Variants in CFH observed in about 807,000 individuals in gnomAD.
CFH encodes H factor 1 (complement).
Under a neutral mutation model 147.3 loss-of-function variants are expected in CFH, and 53 were observed. The observed-to-expected ratio is 0.36, with a 90% confidence interval of 0.29 to 0.45. CFH has a LOEUF of 0.45. Ranked by LOEUF, CFH falls within the 20% of genes least tolerant of loss-of-function variation. The probability of loss-of-function intolerance (pLI) is 1.00; values close to 1 mark genes in which losing one functional copy is unlikely to be tolerated. For missense variants in CFH, 1,380 were observed against 1,498.0 expected, an observed-to-expected ratio of 0.92 and a Z score of 1.30; for synonymous variants, 536 against 489.4, an observed-to-expected ratio of 1.10 and a Z score of -1.26.
chr1:196,737,674 G>T lies in CFH; in HGVS notation c.2782+14G>T. ...CTCAGTGTGAAGGTTAGGCCAATAT[G>T]AATACTCAATTTCTGTTTATAGTAG... On this transcript the variant is annotated intron_variant, in intron 17 of 21. Transcript: ENST00000367429. 6.2e-7 allele frequency: 1 copy of T among 1,607,512 alleles called. No homozygotes were observed. Among genetic ancestry groups the T allele is most frequent in the South Asian group, 1.1e-5 (1 of 90,824 alleles).
In CFH at chr1:196,674,462, T is replaced by C. The variant is rs568284748; in HGVS notation, c.350+500T>C. ...TTACCACATGGATTAAAAATACTAC[T>C]CTTTCAGAATCATTGACTCTGTTCC... On this transcript the variant is annotated intron_variant, in intron 3 of 21. Coordinates refer to ENST00000367429, the MANE Select transcript of CFH (RefSeq NM_000186.4). 3.4e-3 allele frequency among the ~76,000 whole-genome samples: 514 copies of C among 152,300 alleles called. 2 individuals carry two copies. Among genetic ancestry groups the C allele is most frequent in the Admixed American group, 6.7e-3 (103 of 15,282 alleles).
At chr1:196,668,767 A>T (rs997892186) in intron 1 of CFH, among the ~76,000 whole-genome samples, 6 of 152,168 alleles carry the variant, frequency 3.9e-5, no homozygotes, top group African/African-American at 1.4e-4. Context: ...TGAAAGTATG[A>T]ATCAGTTTAA....
At chr1:196,662,347 G>T (rs1227702246) in intron 1 of CFH, among the ~76,000 whole-genome samples, 1 of 152,000 alleles carries the variant, frequency 6.6e-6, no homozygotes, top group Non-Finnish European at 1.5e-5. Context: ...ACCTACTATT[G>T]TCATGTGTTT....
intron 11 of CFH, among the ~76,000 whole-genome samples, 159 bp from the exon 12 acceptor site, chr1:196,724,962 T>C (rs1173053150): frequency 6.6e-6 from 1 of 152,214 alleles, no homozygotes; most frequent in Admixed American, 6.5e-5. Context: ...TTAGACAGCA[T>C]ATAAAACATA....
chr1:196,705,713 C>A (rs1668569755), intron 9 of CFH, among the ~76,000 whole-genome samples: 1 of 152,148 alleles, frequency 6.6e-6, no homozygotes, highest in Admixed American at 6.5e-5. Context: ...CTCTGAGCCA[C>A]TGGCACCACT....
chr1:196,715,543 T>C (rs1668849456), intron 10 of CFH, 50 bp from the exon 11 acceptor site: 14 of 1,393,610 alleles, frequency 1.0e-5, no homozygotes, highest in Non-Finnish European at 1.4e-5. Flanking sequence ...ATACTCAGAT[T>C]GTTTATTAGA....
At chr1:196,729,189 C>T (rs1558180209) in intron 15 of CFH, among the ~76,000 whole-genome samples, 2 of 152,014 alleles carry the variant, frequency 1.3e-5, no homozygotes, top group Non-Finnish European at 2.9e-5. Context: ...ATACAGAAAG[C>T]ATTGACAACC....
intron 9 of CFH, among the ~76,000 whole-genome samples, chr1:196,706,328 A>G (rs1222083173): frequency 6.6e-6 from 1 of 152,188 alleles, no homozygotes; most frequent in Non-Finnish European, 1.5e-5. Flanking sequence ...AGCCTGACTA[A>G]AGGCAGTCTT....
At chr1:196,726,063 T>C (rs1669129366) in intron 12 of CFH, among the ~76,000 whole-genome samples, 2 of 152,194 alleles carry the variant, frequency 1.3e-5, no homozygotes, top group Non-Finnish European at 1.5e-5. Context: ...GTCTAAACAA[T>C]ATTTAAGCAG....
At chr1:196,700,754 C>A in intron 9 of CFH, 1 of 923,874 alleles carries the variant, frequency 1.1e-6, no homozygotes, top group Non-Finnish European at 1.3e-6. Context: ...GGGGCTGACC[C>A]AGAGAGAAGC....
intron 11 of CFH, among the ~76,000 whole-genome samples, chr1:196,719,864 C>A (rs945152092): frequency 7.9e-5 from 12 of 151,454 alleles, no homozygotes; most frequent in African/African-American, 2.9e-4. Flanking sequence ...TCCATGTGAA[C>A]TTGAAAATTT....
chr1:196,697,162 A>G lies in CFH; in HGVS notation c.1336+6923A>G, dbSNP rs549921787. Reference sequence around the variant, plus strand: ...AAGCCAAAACTGACAAATGGGATCTAATTAAACTAAAGAGCTTCTGCACAG... The same window carrying G: ...AAGCCAAAACTGACAAATGGGATCTGATTAAACTAAAGAGCTTCTGCACAG... On this transcript the variant is annotated intron_variant, in intron 9 of 21. Coordinates refer to ENST00000367429, the MANE Select transcript of CFH (RefSeq NM_000186.4). Among the ~76,000 whole-genome samples, 11 of 152,352 alleles carry G rather than the reference A, an allele frequency of 7.2e-5. No homozygotes were observed. The East Asian group carries it at 2.1e-3, about 29-fold the overall frequency.
intron 15 of CFH, among the ~76,000 whole-genome samples, chr1:196,728,735 A>ACG (rs1311133548): frequency 3.3e-5 from 3 of 91,894 alleles, no homozygotes; most frequent in African/African-American, 9.8e-5. Context: ...ACACACACGC[A>ACG]CACACACACA....
At chr1:196,715,427 C>A (rs895231170) in intron 10 of CFH, among the ~76,000 whole-genome samples, 166 bp from the exon 11 acceptor site, 3 of 151,980 alleles carry the variant, frequency 2.0e-5, no homozygotes, top group African/African-American at 7.2e-5. Context: ...TCACTTTTGA[C>A]AACTATTTTA....
At chr1:196,658,095 TTA>T (rs1373197349) in intron 1 of CFH, among the ~76,000 whole-genome samples, 1 of 152,174 alleles carries the variant, frequency 6.6e-6, no homozygotes, top group Non-Finnish European at 1.5e-5. Flanking sequence ...ATTAAGATTA[TTA>T]AAATATTAAG....
chr1:196,671,137 A>G (rs1667263103), intron 1 of CFH, among the ~76,000 whole-genome samples: 1 of 152,150 alleles, frequency 6.6e-6, no homozygotes, highest in Non-Finnish European at 1.5e-5. Flanking sequence ...CAATTTTAAG[A>G]TAGCACATGA....
chr1:196,726,886 C>T lies in CFH; in HGVS notation c.2182C>T (p.His728Tyr). Residue 728 changes from histidine (H) to tyrosine (Y), a missense_variant, in exon 14 of 22, where the codon CAC becomes TAC. His to Tyr is a moderately conservative substitution (Grantham distance 83). Around this residue, in one of 4 missense-constraint regions of CFH, gnomAD observed 830 missense variants for 821.4 expected, o/e 1.01. Coordinates refer to ENST00000367429, the MANE Select transcript of CFH (RefSeq NM_000186.4). ...CTCAGAATCATTTACAATGATTGGACACAGATCAATTACGTGTATTCATGG... is the reference window on the plus strand; with the variant it reads ...CTCAGAATCATTTACAATGATTGGATACAGATCAATTACGTGTATTCATGG... ...NCSESFTMIG[H>Y]RSITCIHGVW... is the part of the protein sequence containing the mutation. The T allele has an allele frequency of 1.9e-6, 3 of 1,613,690 alleles. No individual in the cohort carries two copies. The highest frequency in any genetic ancestry group is 2.5e-6 in the Non-Finnish European group (3 of 1,179,708).
intron 1 of CFH, among the ~76,000 whole-genome samples, chr1:196,652,930 TGGA>T (rs1017380101): frequency 5.3e-5 from 8 of 151,898 alleles, no homozygotes; most frequent in African/African-American, 1.9e-4. Context: ...AGCTTATTCT[TGGA>T]GGAGGTTTGC....
chr1:196,676,405 A>G (rs1405307734), intron 4 of CFH, among the ~76,000 whole-genome samples: 1 of 152,004 alleles, frequency 6.6e-6, no homozygotes, highest in East Asian at 1.9e-4. Flanking sequence ...ATGAAGAAGA[A>G]CTCACCCAGT....
Sources: allele counts gnomAD v4.1 joint callset (sites outside exome capture counted in the v4.1 genomes callset), GRCh38; gene constraint gnomAD v4.1.1; regional missense constraint gnomAD v4.1.1; transcripts MANE v1.5; gene names NCBI Gene and HGNC (gene_info 2026-07-23, HGNC 2026-07-21).